Variants in CETN3 observed in about 807,000 individuals in gnomAD.
The protein encoded by CETN3 is centrin-3.
Under a neutral mutation model 20.1 loss-of-function variants are expected in CETN3, and 17 were observed. That is an observed-to-expected ratio of 0.85 (90% CI 0.58 to 1.27). The LOEUF (loss-of-function observed/expected upper bound fraction) is 1.27. Ranked by LOEUF, CETN3 falls within the 50% of genes most tolerant of loss-of-function variation. The probability of loss-of-function intolerance (pLI) is 0.00; values close to 1 mark genes in which losing one functional copy is unlikely to be tolerated. For synonymous variants in CETN3, 52 were observed against 59.7 expected, an observed-to-expected ratio of 0.87 and a Z score of 0.59; for missense variants, 169 against 191.2, an observed-to-expected ratio of 0.88 and a Z score of 0.69.
Position 90,399,421 on chromosome 5 carries a change from T to C in CETN3, c.397A>G (p.Asn133Asp), listed in dbSNP as rs1749222382. 4.3e-6 allele frequency: 7 copies of C among 1,614,088 alleles called. No individual in the cohort carries two copies. Among genetic ancestry groups the C allele is most frequent in the Non-Finnish European group, 5.9e-6 (7 of 1,179,976 alleles). The change falls in exon 4 of 5, where the codon AAC becomes GAC. Residue 133 changes from asparagine to aspartate, a missense_variant. By Grantham distance (23) the Asn-to-Asp change is conservative (BLOSUM62 1). Transcript: ENST00000283122. Reference sequence around the variant, plus strand: ...GCTCGAAGTTCTTCATCACTCATGTTTTCACCCAATTCTCTAGCAACACGT... The same window carrying C: ...GCTCGAAGTTCTTCATCACTCATGTCTTCACCCAATTCTCTAGCAACACGT... ...LRRVARELGE[N>D]MSDEELRAMI...
intron 3 of CETN3, among the ~76,000 whole-genome samples, chr5:90,401,830 T>A (rs1395654358): frequency 6.6e-6 from 1 of 152,162 alleles, no homozygotes; most frequent in Non-Finnish European, 1.5e-5. Context: ...CCTATAGTAC[T>A]GAGAATACTG....
At chr5:90,402,211 G>C (rs1749310016) in intron 3 of CETN3, among the ~76,000 whole-genome samples, 1 of 152,112 alleles carries the variant, frequency 6.6e-6, no homozygotes, top group Admixed American at 6.6e-5. Context: ...GAAAAAAATA[G>C]TATTTTCTGT....
At chr5:90,408,847 A>G (rs1437812092) in intron 1 of CETN3, among the ~76,000 whole-genome samples, 4 of 151,832 alleles carry the variant, frequency 2.6e-5, no homozygotes, top group Non-Finnish European at 5.9e-5. Context: ...GTGCAGTATA[A>G]CAAAGCTGAG....
Position 90,396,395 on chromosome 5 carries a change from C to CCATGT in CETN3, c.461-2293_461-2289dup. On this transcript the variant is annotated intron_variant, in intron 4 of 4. Transcript: ENST00000283122. Reference sequence around the variant, plus strand: ...ATCTTTAACCTTTGCAGTTAAATAGCCATGTCTGAATATCTTAGGAAAGCT... The same window carrying CCATGT: ...ATCTTTAACCTTTGCAGTTAAATAGCCATGTCATGTCTGAATATCTTAGGAAAGCT... 18 of 1,427,480 alleles carry CCATGT rather than the reference C, an allele frequency of 1.3e-5. 1 individual carries two copies. Among genetic ancestry groups the CCATGT allele is most frequent in the Non-Finnish European group, 1.5e-5 (16 of 1,093,874 alleles). The allele number at this position is 1,427,480 out of a possible 1,614,324, so 88.4% of individuals were successfully genotyped here.
intron 2 of CETN3, among the ~76,000 whole-genome samples, chr5:90,406,445 T>G (rs1463486997): frequency 1.3e-5 from 2 of 151,254 alleles, no homozygotes; most frequent in Non-Finnish European, 3.0e-5. Flanking sequence ...AACAGAGCAG[T>G]TTACCTCACC....
intron 4 of CETN3, chr5:90,396,208 T>C (rs565026940): frequency 2.4e-5 from 24 of 985,262 alleles, no homozygotes; most frequent in African/African-American, 7.0e-5. Context: ...AAATAAGCTA[T>C]GAGTTAGGAA....
At position 90,409,738 on chromosome 5, in the gene CETN3, T is replaced by G; in HGVS notation, c.-77A>C. 1 of 1,568,792 alleles carries G rather than the reference T, an allele frequency of 6.4e-7. No homozygotes were observed. The highest frequency in any genetic ancestry group is 8.8e-7 in the Non-Finnish European group (1 of 1,139,358). On this transcript the variant is annotated 5_prime_UTR_variant, in exon 1 of 5. Coordinates refer to ENST00000283122, the MANE Select transcript of CETN3 (RefSeq NM_004365.4). The stretch of plus-strand genomic sequence containing the variant: ...CAAGGCAGCAAGACGCCCACAGCCG[T>G]TCAACAGACACGAACGACCTCAGCG...
rs1349387921 is a variant in CETN3, at chr5:90,399,680, A to C, written c.269-131T>G. ...ACTTTTAGTCTGACAATAAAATGTC[A>C]AATGAGATCCCCAAACCCCGAGATA... On this transcript the variant is annotated intron_variant, in intron 3 of 4. Transcript: ENST00000283122. The C allele has an allele frequency of 8.7e-6, 6 of 688,300 alleles. No homozygotes were observed. In the African/African-American group the frequency reaches 1.1e-4, roughly 12 times the overall value. The allele number at this position is 688,300 out of a possible 1,614,324, so 42.6% of individuals were successfully genotyped here.
intron 3 of CETN3, among the ~76,000 whole-genome samples, chr5:90,404,019 G>T (rs370748426): frequency 2.6e-5 from 4 of 151,090 alleles, no homozygotes; most frequent in African/African-American, 7.3e-5. Context: ...TATACACAAA[G>T]TCTATTTTAT....
intron 4 of CETN3, chr5:90,396,018 G>GA (rs34636995): frequency 3.4e-5 from 30 of 891,216 alleles, no homozygotes; most frequent in African/African-American, 5.5e-5. Flanking sequence ...AATCAGTGTT[G>GA]AAAAAAAATC....
intron 1 of CETN3, among the ~76,000 whole-genome samples, chr5:90,408,727 T>A (rs1039332786): frequency 1.3e-5 from 2 of 150,236 alleles, no homozygotes; most frequent in South Asian, 2.1e-4. Flanking sequence ...CACATTAACA[T>A]GTCAAACCAG....
intron 3 of CETN3, among the ~76,000 whole-genome samples, chr5:90,401,894 G>C: frequency 6.6e-6 from 1 of 152,108 alleles, no homozygotes. Flanking sequence ...CTGTTGCCCA[G>C]GCTGGAGTGC....
rs1272741097 is a variant in CETN3 at position 90,409,653 on chromosome 5, T to A, written c.9A>T (p.Leu3Phe). 6.2e-7 allele frequency: 1 copy of A among 1,614,122 alleles called. No homozygotes were observed. The highest frequency in any genetic ancestry group is 2.2e-5 in the East Asian group (1 of 44,864). ...GCCTCCTTATTACCGACCTCAGAGC[T>A]AAACTCATTATCTCTTCGCACAGAG... The part of the protein sequence containing the change: MS[L>F]ALRSELVVDK... The change falls in exon 1 of 5, where the codon TTA becomes TTT. Residue 3 changes from leucine to phenylalanine, a missense_variant. Leu to Phe is a conservative substitution (Grantham distance 22, BLOSUM62 0). Coordinates refer to ENST00000283122, the MANE Select transcript of CETN3 (RefSeq NM_004365.4).
chr5:90,394,855 A>G (rs1749101782), intron 4 of CETN3, among the ~76,000 whole-genome samples: 1 of 148,390 alleles, frequency 6.7e-6, no homozygotes, highest in African/African-American at 2.4e-5. Flanking sequence ...ACCTAGAAAT[A>G]AGAAATCAGA....
intron 4 of CETN3, chr5:90,396,498 C>A (rs947040301): frequency 6.5e-7 from 1 of 1,532,760 alleles, no homozygotes; most frequent in African/African-American, 1.4e-5. Context: ...TGCACCTTCA[C>A]TGAAGAACTC....
Position 90,409,719 on chromosome 5 carries a change from A to G in CETN3, c.-58T>C. 6.2e-7 allele frequency: 1 copy of G among 1,608,604 alleles called. No individual in the cohort carries two copies. The highest frequency in any genetic ancestry group is 8.5e-7 in the Non-Finnish European group (1 of 1,175,136). On this transcript the variant is annotated 5_prime_UTR_variant, in exon 1 of 5. Transcript: ENST00000283122. ...ACGATTTTAACCCCCTACCCAAGGC[A>G]GCAAGACGCCCACAGCCGTTCAACA...
chr5:90,398,137 T>A (rs2151882155), intron 4 of CETN3, among the ~76,000 whole-genome samples: 1 of 152,244 alleles, frequency 6.6e-6, no homozygotes, highest in Admixed American at 6.5e-5. Flanking sequence ...TATTTACCTT[T>A]AACTTCACAT....
intron 3 of CETN3, among the ~76,000 whole-genome samples, chr5:90,404,057 C>T (rs953298617): frequency 2.0e-5 from 3 of 152,044 alleles, no homozygotes; most frequent in Non-Finnish European, 2.9e-5. Flanking sequence ...ATGATTATTT[C>T]GAGCCCCTGA....
At chr5:90,400,098 A>T (rs1289005646) in intron 3 of CETN3, among the ~76,000 whole-genome samples, 2 of 152,208 alleles carry the variant, frequency 1.3e-5, no homozygotes, top group Admixed American at 1.3e-4. Flanking sequence ...AGCATTTGAA[A>T]ATTCCACTAA....
Sources: gnomAD v4.1 joint callset for allele counts (sites outside exome capture counted in the v4.1 genomes callset) on GRCh38, gnomAD v4.1.1 for gene constraint, MANE v1.5 for transcripts, NCBI Gene and HGNC (gene_info 2026-07-23, HGNC 2026-07-21) for gene names.